The following FARS2 variants were observed in gnomAD, a reference collection of about 807,000 sequenced individuals.
FARS2 encodes phenylalanine--tRNA ligase, mitochondrial.
Under a neutral mutation model 46.4 loss-of-function variants are expected in FARS2, and 40 were observed. The observed-to-expected ratio is 0.86, with a 90% CI of 0.67 to 1.12. FARS2 has a LOEUF of 1.12. Among genes scored for constraint, FARS2 ranks in the 50% most tolerant of loss-of-function variants. The pLI is 0.00. For missense variants in FARS2, 513 were observed against 567.9 expected (o/e 0.90, Z 0.98); for synonymous variants, 234 against 214.9 (o/e 1.09, Z -0.78).
Position 5,645,967 on chromosome 6 carries a change from G to A in FARS2, c.1217+32647G>A, listed in dbSNP as rs570285904. On this transcript the variant is annotated intron_variant, in intron 6 of 6. Coordinates refer to ENST00000274680, the MANE Select transcript of FARS2 (RefSeq NM_006567.5). ...TTACATGTTTTTTACTTAGTTTAAC[G>A]GAGGTAGGGACTAGAATGATGCCAG... Among the ~76,000 whole-genome samples the A allele has an allele frequency of 1.3e-3, 204 of 152,292 alleles. 7 individuals are homozygous for A. The South Asian group carries it at 0.04, about 30-fold the overall frequency.
intron 6 of FARS2, among the ~76,000 whole-genome samples, chr6:5,725,092 T>C (rs1156391400): frequency 6.6e-6 from 1 of 152,280 alleles, no homozygotes; most frequent in Non-Finnish European, 1.5e-5. Flanking sequence ...TATTTTGCAA[T>C]GGCCTGACTT....
chr6:5,608,460 T>C (rs1290819386), intron 5 of FARS2, among the ~76,000 whole-genome samples: 1 of 152,198 alleles, frequency 6.6e-6, no homozygotes, highest in African/African-American at 2.4e-5. Context: ...TCATTCTTAC[T>C]AAATAGTTCA....
At chr6:5,296,490 T>C (rs1767901549) in intron 1 of FARS2, among the ~76,000 whole-genome samples, 1 of 152,176 alleles carries the variant, frequency 6.6e-6, no homozygotes, top group African/African-American at 2.4e-5. Context: ...AGTACATTTA[T>C]GGTCTCATGT....
chr6:5,517,907 G>C (rs1467211379), intron 4 of FARS2, among the ~76,000 whole-genome samples: 2 of 152,180 alleles, frequency 1.3e-5, no homozygotes, highest in Non-Finnish European at 2.9e-5. Context: ...TCCCCGCCTT[G>C]GCCTGGGCTG....
chr6:5,373,443 C>G (rs1193228698), intron 2 of FARS2, among the ~76,000 whole-genome samples: 1 of 152,116 alleles, frequency 6.6e-6, no homozygotes, highest in Non-Finnish European at 1.5e-5. Flanking sequence ...GATTAATTCT[C>G]TAGACCCAAC....
chr6:5,655,489 C>T (rs1019029486), intron 6 of FARS2, among the ~76,000 whole-genome samples: 6 of 152,162 alleles, frequency 3.9e-5, no homozygotes, highest in South Asian at 2.1e-4. Context: ...TGGGCTGAAA[C>T]GGACTTGTTG....
intron 6 of FARS2, among the ~76,000 whole-genome samples, chr6:5,618,972 C>T (rs1266068833): frequency 6.6e-6 from 1 of 152,192 alleles, no homozygotes; most frequent in African/African-American, 2.4e-5. Context: ...ATACATTGAT[C>T]ATCTTCAGTC....
rs895616053 is a variant in FARS2, at chr6:5,749,108, G to A, written c.1218-22183G>A. On this transcript the variant is annotated intron_variant, in intron 6 of 6. Transcript: ENST00000274680. ...GCCAGAAGATGAGCTGGTCCAAAAG[G>A]GGGCTGAGCCACGGGCCCAGTCCTC... Among the ~76,000 whole-genome samples, 4 of 152,212 alleles carry A rather than the reference G, an allele frequency of 2.6e-5. No individual in the cohort carries two copies. In the East Asian group the frequency reaches 7.7e-4, roughly 29 times the overall value.
At chr6:5,426,434 G>A (rs1333591732) in intron 3 of FARS2, among the ~76,000 whole-genome samples, 1 of 151,988 alleles carries the variant, frequency 6.6e-6, no homozygotes. Flanking sequence ...ATTTGGCATT[G>A]TATCTTTTAA....
chr6:5,547,235 A>G (rs889048182), intron 5 of FARS2, among the ~76,000 whole-genome samples: 2 of 152,162 alleles, frequency 1.3e-5, no homozygotes, highest in African/African-American at 4.8e-5. Context: ...TACAGGTATG[A>G]ACCACTGCGC....
intron 6 of FARS2, among the ~76,000 whole-genome samples, chr6:5,667,198 T>C (rs1778172638): frequency 1.3e-5 from 2 of 152,022 alleles, no homozygotes. Flanking sequence ...ACCCCTGAAC[T>C]TAAAATAAAA....
At chr6:5,287,787 C>A (rs887795767) in intron 1 of FARS2, among the ~76,000 whole-genome samples, 2 of 152,090 alleles carry the variant, frequency 1.3e-5, no homozygotes, top group African/African-American at 4.8e-5. Context: ...CCTTAAGATG[C>A]GGAGCTCTTC....
chr6:5,322,840 C>A (rs886948416), intron 1 of FARS2, among the ~76,000 whole-genome samples: 1 of 152,166 alleles, frequency 6.6e-6, no homozygotes, highest in African/African-American at 2.4e-5. Flanking sequence ...GGGAAAGCTT[C>A]AGAAATGCTT....
chr6:5,511,376 T>C (rs983189853), intron 4 of FARS2, among the ~76,000 whole-genome samples: 3 of 152,252 alleles, frequency 2.0e-5, no homozygotes, highest in African/African-American at 7.2e-5. Context: ...GATTTCATTA[T>C]GTTCGTATTA....
intron 4 of FARS2, among the ~76,000 whole-genome samples, chr6:5,534,242 C>G (rs1770042380): frequency 7.1e-6 from 1 of 141,600 alleles, no homozygotes; most frequent in Admixed American, 6.8e-5. Flanking sequence ...TTTTAAATAT[C>G]TACATCCTCT....
At chr6:5,320,664 G>GA (rs1769904812) in intron 1 of FARS2, among the ~76,000 whole-genome samples, 1 of 152,226 alleles carries the variant, frequency 6.6e-6, no homozygotes, top group South Asian at 2.1e-4. Context: ...CAAGCCTTGA[G>GA]AAAATGATGC....
chr6:5,255,470 T>C, the FARS2 span, among the ~76,000 whole-genome samples: 1 of 151,376 alleles, frequency 6.6e-6, no homozygotes, highest in African/African-American at 2.4e-5. Flanking sequence ...ATAATGGATT[T>C]AGTCACTTTA....
intron 4 of FARS2, among the ~76,000 whole-genome samples, chr6:5,534,018 C>T (rs368305629): frequency 6.6e-6 from 1 of 152,190 alleles, no homozygotes; most frequent in Admixed American, 6.5e-5. Flanking sequence ...CCAAATCATA[C>T]ACTGTTCAGA....
At chr6:5,537,444 A>G in intron 4 of FARS2, among the ~76,000 whole-genome samples, 1 of 137,052 alleles carries the variant, frequency 7.3e-6, no homozygotes, top group African/African-American at 2.7e-5. Flanking sequence ...CGAGTTGGAG[A>G]TGTCCCGGGC....
Sources: gnomAD v4.1 joint callset for allele counts (sites outside exome capture counted in the v4.1 genomes callset) on GRCh38, gnomAD v4.1.1 for gene constraint, MANE v1.5 for transcripts, NCBI Gene and HGNC (gene_info 2026-07-23, HGNC 2026-07-21) for gene names.